The following RBFOX3 variants were observed in gnomAD, a reference collection of about 807,000 sequenced individuals.
The protein encoded by RBFOX3 is RNA binding fox-1 homolog 3, also known as RNA binding protein fox-1 homolog 3.
In RBFOX3, 17 loss-of-function variants were observed where a neutral mutation model predicts 48.7. That is an observed-to-expected ratio of 0.35 (90% confidence interval 0.24 to 0.52). The LOEUF is 0.52. Ranked by LOEUF, RBFOX3 falls within the 20% of genes least tolerant of loss-of-function variation. The pLI is 0.94. For synonymous variants in RBFOX3, 212 were observed against 209.5 expected (o/e 1.01, Z -0.10); for missense variants, 382 against 497.5 (o/e 0.77, Z 2.21).
intron 4 of RBFOX3, among the ~76,000 whole-genome samples, chr17:79,171,086 A>G (rs902471132): frequency 1.3e-5 from 2 of 152,236 alleles, no homozygotes; most frequent in South Asian, 2.1e-4. Flanking sequence ...CACTGGCCCC[A>G]TGTGGCTGTC....
Position 79,473,999 on chromosome 17 carries a change from A to G in RBFOX3, c.-175+8455T>C, listed in dbSNP as rs2077371881. 6.6e-6 allele frequency among the ~76,000 whole-genome samples: 1 copy of G among 152,172 alleles called. No homozygotes were observed. On this transcript the variant is annotated intron_variant, in intron 2 of 14. Transcript: ENST00000693108. This position sits in a 1 kb window ranked among gnomAD's most constrained non-coding sequence, Gnocchi z 4.2. Reference sequence around the variant, plus strand: ...CACCAATCCTGCAAACACTTTGTATATCCTTGCAAATCGGGTAAAAGAATA... The same window carrying G: ...CACCAATCCTGCAAACACTTTGTATGTCCTTGCAAATCGGGTAAAAGAATA...
At chr17:79,337,494 C>T (rs562155738) in intron 2 of RBFOX3, among the ~76,000 whole-genome samples, 40 of 151,986 alleles carry the variant, frequency 2.6e-4, no homozygotes, top group Admixed American at 1.2e-3. Flanking sequence ...AATGCAGTTG[C>T]GCCGGGCACG....
intron 1 of RBFOX3, among the ~76,000 whole-genome samples, chr17:79,511,255 C>T (rs924003098): frequency 3.9e-5 from 6 of 152,156 alleles, no homozygotes; most frequent in Admixed American, 1.3e-4. Context: ...TCCAGATATC[C>T]GCTTAGACGA....
chr17:79,115,206 G>T (rs1430492233), intron 5 of RBFOX3, among the ~76,000 whole-genome samples: 1 of 152,232 alleles, frequency 6.6e-6, no homozygotes, highest in Non-Finnish European at 1.5e-5. Context: ...CAGGCGGCTG[G>T]AGGACGGTGG....
intron 2 of RBFOX3, among the ~76,000 whole-genome samples, chr17:79,383,896 G>A (rs2060238554): frequency 6.6e-6 from 1 of 152,160 alleles, no homozygotes; most frequent in Admixed American, 6.5e-5. Context: ...GAGGTGTAGT[G>A]GCCCCCGGGA....
intron 1 of RBFOX3, among the ~76,000 whole-genome samples, chr17:79,580,420 C>G (rs1281469242): frequency 6.6e-6 from 1 of 152,088 alleles, no homozygotes; most frequent in Non-Finnish European, 1.5e-5. Flanking sequence ...CACAGCCCCC[C>G]AGCCAGACAG....
chr17:79,248,342 C>T (rs1441768486), intron 3 of RBFOX3, among the ~76,000 whole-genome samples: 1 of 152,020 alleles, frequency 6.6e-6, no homozygotes, highest in Non-Finnish European at 1.5e-5. Flanking sequence ...ACGCCATTCT[C>T]CTGCCTCAGC....
chr17:79,584,500 T>A (rs2093175996), intron 1 of RBFOX3, among the ~76,000 whole-genome samples: 1 of 152,156 alleles, frequency 6.6e-6, no homozygotes, highest in East Asian at 1.9e-4. Context: ...CAAATGCCCA[T>A]CAAATCAATG....
At chr17:79,478,702 T>A (rs1289660474) in intron 2 of RBFOX3, among the ~76,000 whole-genome samples, 2 of 152,128 alleles carry the variant, frequency 1.3e-5, no homozygotes, top group Non-Finnish European at 2.9e-5. Context: ...CAGATGACCC[T>A]CCTCTGGAGT....
At chr17:79,424,951 T>G (rs1200963429) in intron 2 of RBFOX3, among the ~76,000 whole-genome samples, 2 of 152,212 alleles carry the variant, frequency 1.3e-5, no homozygotes, top group Non-Finnish European at 2.9e-5. Context: ...TGCTGTGCTC[T>G]GACACCCTGG....
At chr17:79,511,964 C>T (rs2084333325) in intron 1 of RBFOX3, among the ~76,000 whole-genome samples, 1 of 146,988 alleles carries the variant, frequency 6.8e-6, no homozygotes, top group African/African-American at 2.5e-5. Flanking sequence ...GGCCAGGGGA[C>T]ACCCACCCGG....
At chr17:79,138,109 T>A (rs543259652) in intron 4 of RBFOX3, among the ~76,000 whole-genome samples, 59 of 152,126 alleles carry the variant, frequency 3.9e-4, no homozygotes, top group African/African-American at 1.2e-3. Context: ...AGGTCTGATC[T>A]GCAGCTGGGA....
chr17:79,223,892 A>T (rs1388140786), intron 4 of RBFOX3, among the ~76,000 whole-genome samples: 1 of 152,184 alleles, frequency 6.6e-6, no homozygotes, highest in Non-Finnish European at 1.5e-5. Flanking sequence ...CCACCTCAGC[A>T]TTGACAGAGG....
intron 2 of RBFOX3, among the ~76,000 whole-genome samples, chr17:79,455,103 C>A (rs1433957404): frequency 6.6e-6 from 1 of 151,632 alleles, no homozygotes; most frequent in Non-Finnish European, 1.5e-5. Flanking sequence ...TCCCCCTCCA[C>A]GGGGTGTGCA....
intron 1 of RBFOX3, among the ~76,000 whole-genome samples, chr17:79,520,238 C>T (rs34686311): frequency 0.01 from 1,544 of 152,302 alleles, 7 homozygotes; most frequent in Non-Finnish European, 0.015. Flanking sequence ...ACGCCCCAGG[C>T]GGGCAAAGCA....
At chr17:79,569,338 G>A (rs2092583069) in intron 1 of RBFOX3, among the ~76,000 whole-genome samples, 1 of 152,160 alleles carries the variant, frequency 6.6e-6, no homozygotes, top group Non-Finnish European at 1.5e-5. Context: ...GCAACGTGTG[G>A]CCTTTTGTGT....
chr17:79,429,976 G>A (rs1345747258), intron 2 of RBFOX3, among the ~76,000 whole-genome samples: 2 of 152,174 alleles, frequency 1.3e-5, no homozygotes, highest in African/African-American at 2.4e-5. Context: ...AGAGGACAAA[G>A]GATGCAAGCC....
At chr17:79,546,862 G>T (rs1045300597) in intron 1 of RBFOX3, among the ~76,000 whole-genome samples, 2 of 151,726 alleles carry the variant, frequency 1.3e-5, no homozygotes, top group Admixed American at 6.6e-5. Context: ...TAGAGGCGGG[G>T]TTTCTCCATG....
intron 1 of RBFOX3, among the ~76,000 whole-genome samples, chr17:79,590,576 G>T (rs1340912702): frequency 2.0e-5 from 3 of 152,130 alleles, no homozygotes; most frequent in Admixed American, 2.0e-4. Context: ...CTGGGGCTGG[G>T]ATGAGGTCTA....
Sources: gnomAD v4.1 joint callset for allele counts (sites outside exome capture counted in the v4.1 genomes callset) on GRCh38, gnomAD v4.1.1 for gene constraint, Gnocchi (gnomAD v3.1) non-coding constraint, MANE v1.5 for transcripts, NCBI Gene and HGNC (gene_info 2026-07-23, HGNC 2026-07-21) for gene names.